The following SDK1 variants were observed in gnomAD, a reference collection of about 807,000 sequenced individuals.
SDK1 encodes the protein protein sidekick-1.
SDK1 carries 157 observed loss-of-function variants against 245.5 expected under a neutral mutation model. That is an observed-to-expected ratio of 0.64 (90% CI 0.56 to 0.73). SDK1 has a LOEUF of 0.73. Among genes scored for constraint, SDK1 ranks in the 30% least tolerant of loss-of-function variants. SDK1 has a pLI of 0.00. For missense variants in SDK1, 3,583 were observed against 3,002.3 expected, an observed-to-expected ratio of 1.19 and a Z score of -4.52; for synonymous variants, 1,647 against 1,278.5, an observed-to-expected ratio of 1.29 and a Z score of -6.15.
chr7:4,107,187 A>T (rs945171509), intron 22 of SDK1, among the ~76,000 whole-genome samples: 1 of 148,838 alleles, frequency 6.7e-6, no homozygotes, highest in Non-Finnish European at 1.5e-5. Context: ...AACCAGAGGA[A>T]GGAGACCTGG....
At chr7:4,039,218 G>A (rs1393302039) in intron 17 of SDK1, among the ~76,000 whole-genome samples, 3 of 151,798 alleles carry the variant, frequency 2.0e-5, no homozygotes, top group Non-Finnish European at 2.9e-5. Flanking sequence ...CGAGTTAATG[G>A]GTTCAGCACA....
chr7:3,401,823 G>A (rs1337372827), intron 1 of SDK1, among the ~76,000 whole-genome samples: 1 of 151,992 alleles, frequency 6.6e-6, no homozygotes, highest in Non-Finnish European at 1.5e-5. Flanking sequence ...GCCAAAATGA[G>A]CACAAATGGC....
At chr7:3,627,520 G>C (rs755403711) in intron 2 of SDK1, among the ~76,000 whole-genome samples, 1 of 152,154 alleles carries the variant, frequency 6.6e-6, no homozygotes, top group Non-Finnish European at 1.5e-5. Flanking sequence ...GCATGTTTCC[G>C]TGGTAGAAAG....
intron 2 of SDK1, among the ~76,000 whole-genome samples, chr7:3,628,640 A>G (rs2880086): frequency 0.33 from 50,436 of 152,088 alleles, 8,805 homozygotes; most frequent in Admixed American, 0.43. Flanking sequence ...GTCTAATTCT[A>G]TGGCTGAGTC....
intron 4 of SDK1, among the ~76,000 whole-genome samples, chr7:3,719,357 A>C (rs886938115): frequency 6.6e-6 from 1 of 152,096 alleles, no homozygotes; most frequent in Non-Finnish European, 1.5e-5. Flanking sequence ...AAAAGAAGAA[A>C]AAAGTAGGAG....
At chr7:4,227,633 G>C (rs943974103) in intron 40 of SDK1, among the ~76,000 whole-genome samples, 2 of 152,192 alleles carry the variant, frequency 1.3e-5, no homozygotes, top group Non-Finnish European at 2.9e-5. Context: ...GAAATCTCAG[G>C]CAGTGAATGA....
At chr7:3,572,283 T>G (rs986740055) in intron 1 of SDK1, among the ~76,000 whole-genome samples, 2 of 152,042 alleles carry the variant, frequency 1.3e-5, no homozygotes, top group African/African-American at 4.8e-5. Flanking sequence ...GTCACAAATT[T>G]CGGTCAAGTA....
chr7:3,762,307 G>A (rs1780129316), intron 4 of SDK1, among the ~76,000 whole-genome samples: 1 of 152,202 alleles, frequency 6.6e-6, no homozygotes, highest in African/African-American at 2.4e-5. Context: ...CATTTGTGGA[G>A]AGGACAGAAA....
intron 28 of SDK1, among the ~76,000 whole-genome samples, chr7:4,142,306 T>G (rs553371383): frequency 5.3e-5 from 8 of 152,092 alleles, no homozygotes; most frequent in African/African-American, 1.7e-4. Flanking sequence ...GTGGTTTTGG[T>G]TTTGCGTTTT....
chr7:4,139,906 G>A lies in SDK1; in HGVS notation c.4229-5816G>A, dbSNP rs1263787170. 2.0e-5 allele frequency among the ~76,000 whole-genome samples: 3 copies of A among 152,234 alleles called. 1 individual carries two copies. The East Asian group carries it at 5.8e-4, about 29-fold the overall frequency. On this transcript the variant is annotated intron_variant, in intron 28 of 44. Transcript: ENST00000404826. ...GGGACTCAGGCAGGGAGAGTCCATC[G>A]ATGGGAACGATCTGGTAATGGGGCA...
At chr7:4,248,394 CACACATATGT>C (rs1291481076) in intron 44 of SDK1, among the ~76,000 whole-genome samples, 3 of 151,112 alleles carry the variant, frequency 2.0e-5, no homozygotes, top group Non-Finnish European at 4.4e-5. Context: ...TACACATATG[CACACATATGT>C]ACACATACAC....
rs546213365 is a variant in SDK1, at chr7:3,353,708, C to T, written c.298+51824C>T. On this transcript the variant is annotated intron_variant, in intron 1 of 44. Transcript: ENST00000404826. ...TCATGAATAGAAACTATTGATGACT[C>T]GATTAACATACAAGGATGATACAGT... 7.9e-5 allele frequency among the ~76,000 whole-genome samples: 12 copies of T among 152,168 alleles called. No homozygotes were observed. The South Asian group carries it at 1.7e-3, about 21-fold the overall frequency.
chr7:3,996,641 ATTAG>A (rs1784714900), intron 14 of SDK1, among the ~76,000 whole-genome samples: 2 of 152,164 alleles, frequency 1.3e-5, no homozygotes, highest in Admixed American at 1.3e-4. Context: ...TCGTCTTCTA[ATTAG>A]TTATTGTAGG....
chr7:3,845,095 C>G (rs920891770), intron 5 of SDK1, among the ~76,000 whole-genome samples: 1 of 152,116 alleles, frequency 6.6e-6, no homozygotes, highest in African/African-American at 2.4e-5. Context: ...GCGGAGGTCG[C>G]GAGAGCCAGG....
intron 44 of SDK1, among the ~76,000 whole-genome samples, chr7:4,253,383 T>C (rs534940344): frequency 6.6e-6 from 1 of 152,152 alleles, no homozygotes; most frequent in East Asian, 1.9e-4. Flanking sequence ...AATTTCTTCT[T>C]TGACACATTC....
intron 5 of SDK1, among the ~76,000 whole-genome samples, chr7:3,905,198 T>C (rs1159830593): frequency 6.6e-6 from 1 of 152,106 alleles, no homozygotes; most frequent in Non-Finnish European, 1.5e-5. Context: ...ATTTTTTAAA[T>C]AGCTACTACG....
chr7:3,378,122 C>T (rs750439442), intron 1 of SDK1, among the ~76,000 whole-genome samples: 17 of 152,164 alleles, frequency 1.1e-4, no homozygotes, highest in Non-Finnish European at 1.8e-4. Context: ...GCCACTCTTG[C>T]CTGTATTTGT....
intron 17 of SDK1, among the ~76,000 whole-genome samples, chr7:4,029,621 C>T (rs1478548985): frequency 2.0e-5 from 3 of 152,108 alleles, no homozygotes; most frequent in Non-Finnish European, 4.4e-5. Flanking sequence ...GACTCCCACT[C>T]ACATCACCCA....
chr7:3,717,853 C>A (rs577741819), intron 4 of SDK1, among the ~76,000 whole-genome samples: 5 of 151,986 alleles, frequency 3.3e-5, no homozygotes, highest in Non-Finnish European at 5.9e-5. Context: ...GAATTTAAAT[C>A]AGTTTTACAG....
Sources: allele counts gnomAD v4.1 joint callset (sites outside exome capture counted in the v4.1 genomes callset), GRCh38; gene constraint gnomAD v4.1.1; transcripts MANE v1.5; gene names NCBI Gene and HGNC (gene_info 2026-07-23, HGNC 2026-07-21).